The following MGME1 variants were observed in gnomAD, a reference collection of about 807,000 sequenced individuals.
MGME1 encodes the protein chromosome 20 open reading frame 72.
MGME1 carries 22 observed loss-of-function variants against 33.0 expected under a neutral mutation model. The ratio of observed to expected loss-of-function variants is 0.67; its 90% CI spans 0.48 to 0.95. The LOEUF is 0.95. Ranked by LOEUF, MGME1 falls within the 40% of genes least tolerant of loss-of-function variation. The pLI is 0.00. For synonymous variants in MGME1, 133 were observed against 144.0 expected, an observed-to-expected ratio of 0.92 and a Z score of 0.55; for missense variants, 383 against 397.8, an observed-to-expected ratio of 0.96 and a Z score of 0.32.
chr20:17,988,932 A>G (rs1250806831), intron 4 of MGME1, among the ~76,000 whole-genome samples: 2 of 151,990 alleles, frequency 1.3e-5, no homozygotes, highest in Non-Finnish European at 2.9e-5. Context: ...TCTACAAAAA[A>G]AATACAAAAA....
intron 4 of MGME1, among the ~76,000 whole-genome samples, chr20:17,988,918 C>G (rs1243994927): frequency 6.6e-6 from 1 of 150,466 alleles, no homozygotes. Context: ...AGTGAAACCC[C>G]GTATCTACAA....
In MGME1 at chr20:17,977,725, G is replaced by A. The variant is rs147621043; in HGVS notation, c.731+1822G>A. ...GGGTATCTGGACACTCCCAAGTCTGGGTCTGTTTAGTAAACATTATTAATT... is the reference window on the plus strand; with the variant it reads ...GGGTATCTGGACACTCCCAAGTCTGAGTCTGTTTAGTAAACATTATTAATT... On this transcript the variant is annotated intron_variant, in intron 3 of 4. Coordinates refer to ENST00000377710, the MANE Select transcript of MGME1 (RefSeq NM_052865.4). Among the ~76,000 whole-genome samples, 9 of 152,192 alleles carry A rather than the reference G, an allele frequency of 5.9e-5. No individual in the cohort carries two copies. The East Asian group carries it at 1.7e-3, about 29-fold the overall frequency.
chr20:17,973,212 C>T (rs1393651466), intron 2 of MGME1, among the ~76,000 whole-genome samples: 1 of 151,900 alleles, frequency 6.6e-6, no homozygotes, highest in Non-Finnish European at 1.5e-5. Flanking sequence ...CCGGGCGCAG[C>T]GATCACTTGT....
chr20:17,988,650 C>CT (rs2036213732), intron 4 of MGME1, among the ~76,000 whole-genome samples: 1 of 99,026 alleles, frequency 1.0e-5, no homozygotes, highest in Non-Finnish European at 1.9e-5. Context: ...TCGAATCTGT[C>CT]TCAAAAAAAA....
intron 3 of MGME1, among the ~76,000 whole-genome samples, chr20:17,976,904 G>A (rs1425742650): frequency 4.6e-5 from 7 of 151,714 alleles, no homozygotes; most frequent in Non-Finnish European, 1.0e-4. Flanking sequence ...CAGGTGATCC[G>A]CCTGCCTCAG....
intron 3 of MGME1, among the ~76,000 whole-genome samples, chr20:17,978,496 C>T (rs563577159): frequency 8.9e-4 from 135 of 152,172 alleles, no homozygotes; most frequent in Admixed American, 3.5e-3. Flanking sequence ...TGAGCCACCG[C>T]GCCTGGCCTA....
chr20:17,983,857 A>G (rs976212778), intron 3 of MGME1, among the ~76,000 whole-genome samples: 2 of 152,124 alleles, frequency 1.3e-5, no homozygotes, highest in African/African-American at 4.8e-5. Context: ...CCCTTATCAG[A>G]TAGGTGGTTT....
At chr20:17,979,073 C>A (rs543837174) in intron 3 of MGME1, among the ~76,000 whole-genome samples, 4 of 151,584 alleles carry the variant, frequency 2.6e-5, no homozygotes, top group African/African-American at 7.3e-5. Context: ...CCACTGCACC[C>A]AGCCTAGAAT....
At chr20:17,987,013 C>G in intron 3 of MGME1, among the ~76,000 whole-genome samples, 1 of 151,804 alleles carries the variant, frequency 6.6e-6, no homozygotes, top group East Asian at 1.9e-4. Context: ...AACCCCATCT[C>G]TACTAAAAAT....
chr20:17,990,029 A>T lies in MGME1; in HGVS notation c.955A>T (p.Thr319Ser), dbSNP rs746888069. The T allele has an allele frequency of 1.9e-6, 3 of 1,614,158 alleles. No individual in the cohort carries two copies. Among genetic ancestry groups the T allele is most frequent in the South Asian group, 2.2e-5 (2 of 91,084 alleles). The change falls in exon 5 of 5, where the codon ACC becomes TCC. Residue 319 changes from threonine to serine, a missense_variant. By Grantham distance (58) the Thr-to-Ser change is moderately conservative. Coordinates refer to ENST00000377710, the MANE Select transcript of MGME1 (RefSeq NM_052865.4). ...TGCAGAGCTCTGTTCCCAGTACTGG[A>T]CCAAGTGGCTTCTTCGACTAGAAGA... Reference protein sequence around the residue: ...MDAELCSQYWTKWLLRLEEYT... With the variant: ...MDAELCSQYWSKWLLRLEEYT...
chr20:17,989,982 C>T lies in MGME1; in HGVS notation c.908C>T (p.Pro303Leu), dbSNP rs2036252805. Residue 303 changes from proline to leucine, a missense_variant, in exon 5 of 5, where the codon CCT (proline) becomes CTT (leucine). Pro to Leu is a moderately conservative substitution (Grantham distance 98, BLOSUM62 -3). Coordinates refer to ENST00000377710, the MANE Select transcript of MGME1 (RefSeq NM_052865.4). ...LIVVAYKDGS[P>L]AHPHFMDAEL... ...GTGGTGGCCTACAAAGATGGATCACCTGCCCACCCACATTTCATGGATGCA... is the reference window on the plus strand; with the variant it reads ...GTGGTGGCCTACAAAGATGGATCACTTGCCCACCCACATTTCATGGATGCA... 6.2e-7 allele frequency: 1 copy of T among 1,614,196 alleles called. No individual in the cohort carries two copies. The highest frequency in any genetic ancestry group is 8.5e-7 in the Non-Finnish European group (1 of 1,180,042).
chr20:17,971,136 T>C (rs910903), intron 2 of MGME1, among the ~76,000 whole-genome samples: 40,853 of 152,158 alleles, frequency 0.27, 5,871 homozygotes, highest in East Asian at 0.43. Flanking sequence ...TTAAGAATAG[T>C]GTACTGACCC....
intron 2 of MGME1, 106 bp from the exon 3 acceptor site, chr20:17,975,578 A>T: frequency 8.4e-6 from 7 of 836,318 alleles, no homozygotes; most frequent in Non-Finnish European, 1.1e-5. Context: ...AGAAAAAAAA[A>T]TGTCATTTTT....
chr20:17,968,743 A>T (rs990631477), upstream of MGME1: 4 of 398,064 alleles, frequency 1.0e-5, no homozygotes, highest in Non-Finnish European at 1.8e-5. Context: ...CAGGGCCGCG[A>T]CACGGACGGG....
chr20:17,987,924 G>A lies in MGME1; in HGVS notation c.732-242G>A, dbSNP rs1185801079. Among the ~76,000 whole-genome samples the A allele has an allele frequency of 3.3e-5, 5 of 152,098 alleles. No homozygotes were observed. In the South Asian group the frequency reaches 1.0e-3, roughly 32 times the overall value. On this transcript the variant is annotated intron_variant, in intron 3 of 4. Coordinates refer to ENST00000377710, the MANE Select transcript of MGME1 (RefSeq NM_052865.4). Reference sequence around the variant, plus strand: ...AAAGAGGGAGAAAAAGTGGGGGGGTGCACTTATAGTCCCAGCTACTTGGGA... The same window carrying A: ...AAAGAGGGAGAAAAAGTGGGGGGGTACACTTATAGTCCCAGCTACTTGGGA...
chr20:17,990,044 C>T lies in MGME1; in HGVS notation c.970C>T (p.Arg324Ter), dbSNP rs781005574. Reference sequence around the variant, plus strand: ...CCAGTACTGGACCAAGTGGCTTCTTCGACTAGAAGAATATACGGAAAAGAA... The same window carrying T: ...CCAGTACTGGACCAAGTGGCTTCTTTGACTAGAAGAATATACGGAAAAGAA... ...CSQYWTKWLL[R>*]LEEYTEKKKN... The change falls in exon 5 of 5, where the codon CGA becomes TGA. Residue 324 changes from arginine (R) to a stop codon, truncating the protein, a stop_gained. Transcript: ENST00000377710. LOFTEE classifies it high-confidence loss of function. The T allele has an allele frequency of 5.0e-6, 8 of 1,613,912 alleles. No homozygotes were observed. The highest frequency in any genetic ancestry group is 4.4e-5 in the South Asian group (4 of 91,066).
intron 1 of MGME1, among the ~76,000 whole-genome samples, 155 bp from the exon 2 acceptor site, chr20:17,969,646 G>T (rs560774308): frequency 1.3e-5 from 2 of 152,212 alleles, no homozygotes; most frequent in African/African-American, 4.8e-5. Context: ...ATTGAGTCTT[G>T]ATTTATTTAT....
chr20:17,973,611 C>T (rs1361077985), intron 2 of MGME1, among the ~76,000 whole-genome samples: 1 of 150,272 alleles, frequency 6.7e-6, no homozygotes, highest in African/African-American at 2.5e-5. Context: ...CAGTACACTC[C>T]ATCCTGGGTG....
chr20:17,974,648 C>T (rs1245863616), intron 2 of MGME1, among the ~76,000 whole-genome samples: 2 of 152,090 alleles, frequency 1.3e-5, no homozygotes, highest in African/African-American at 2.4e-5. Context: ...GAAGATGTGT[C>T]CTCCTACAAG....
Sources: allele counts gnomAD v4.1 joint callset (sites outside exome capture counted in the v4.1 genomes callset), GRCh38; gene constraint gnomAD v4.1.1; transcripts MANE v1.5; gene names NCBI Gene and HGNC (gene_info 2026-07-23, HGNC 2026-07-21).